Variants in STAU1 observed in about 807,000 individuals in gnomAD.
The protein encoded by STAU1 is staufen double-stranded RNA binding protein 1.
STAU1 carries 13 observed loss-of-function variants against 62.9 expected under a neutral mutation model. That is an observed-to-expected ratio of 0.21 (90% CI 0.13 to 0.33). The LOEUF is 0.33. Among genes scored for constraint, STAU1 ranks in the 10% least tolerant of loss-of-function variants. The pLI is 1.00. For missense variants in STAU1, 571 were observed against 712.1 expected (o/e 0.80, Z 2.25); for synonymous variants, 269 against 265.1 (o/e 1.01, Z -0.14).
intron 5 of STAU1, among the ~76,000 whole-genome samples, chr20:49,136,371 A>ATGAATTTAACCACACACATACC (rs1158787796): frequency 1.3e-5 from 2 of 152,246 alleles, no homozygotes; most frequent in Non-Finnish European, 2.9e-5. Context: ...CTTTGGCTTT[A>ATGAATTTAACCACACACATACC]TGAATTTAAC....
the STAU1 span, among the ~76,000 whole-genome samples, chr20:49,218,324 ACACC>A: frequency 6.8e-6 from 1 of 147,930 alleles, no homozygotes; most frequent in Non-Finnish European, 1.5e-5. Context: ...TCCTGGGTTC[ACACC>A]ATTCTCCTGC....
At chr20:49,218,158 A>G in the STAU1 span, among the ~76,000 whole-genome samples, 1 of 151,266 alleles carries the variant, frequency 6.6e-6, no homozygotes, top group African/African-American at 2.4e-5. Context: ...TACAGGCGCG[A>G]GTCACCGCGC....
At chr20:49,216,890 T>A in the STAU1 span, among the ~76,000 whole-genome samples, 11 of 152,324 alleles carry the variant, frequency 7.2e-5, no homozygotes, top group African/African-American at 2.4e-4. Context: ...CATATCTGCC[T>A]ACATCTTATC....
chr20:49,168,899 G>C (rs1399414993), intron 2 of STAU1, among the ~76,000 whole-genome samples: 1 of 151,078 alleles, frequency 6.6e-6, no homozygotes, highest in Non-Finnish European at 1.5e-5. Context: ...TATATTCTTA[G>C]ACAGGAAAAG....
At chr20:49,195,211 AG>A in the STAU1 span, among the ~76,000 whole-genome samples, 1 of 152,178 alleles carries the variant, frequency 6.6e-6, no homozygotes, top group Non-Finnish European at 1.5e-5. Flanking sequence ...TTTGAATAGC[AG>A]AATGATTAAC....
At chr20:49,174,806 G>A (rs914746694) in intron 1 of STAU1, among the ~76,000 whole-genome samples, 4 of 152,010 alleles carry the variant, frequency 2.6e-5, no homozygotes, top group East Asian at 3.9e-4. Flanking sequence ...GCGTGATGGC[G>A]GGGGCCTGTA....
the STAU1 span, among the ~76,000 whole-genome samples, chr20:49,211,264 T>C: frequency 6.6e-6 from 1 of 152,316 alleles, no homozygotes; most frequent in Non-Finnish European, 1.5e-5. Flanking sequence ...CTACTGTGAA[T>C]AGTGCTGCTG....
chr20:49,114,948 G>C (rs1292941994), intron 13 of STAU1, 55 bp from the exon 14 acceptor site: 1 of 1,563,848 alleles, frequency 6.4e-7, no homozygotes, highest in African/African-American at 1.4e-5. Context: ...GAGAATTAAA[G>C]TACTGTTAAA....
At chr20:49,214,581 G>T in the STAU1 span, among the ~76,000 whole-genome samples, 2 of 151,186 alleles carry the variant, frequency 1.3e-5, no homozygotes, top group Non-Finnish European at 2.9e-5. Context: ...ATAATGTCTA[G>T]ATCTCAAACA....
chr20:49,155,727 A>T (rs17450430), intron 3 of STAU1, among the ~76,000 whole-genome samples: 30,943 of 152,176 alleles, frequency 0.2, 3,254 homozygotes, highest in Non-Finnish European at 0.23. Context: ...TTAGAATTAT[A>T]TTTTTTACAA....
At chr20:49,208,731 T>C in the STAU1 span, among the ~76,000 whole-genome samples, 1 of 151,572 alleles carries the variant, frequency 6.6e-6, no homozygotes, top group Non-Finnish European at 1.5e-5. Context: ...GCCATTCTCC[T>C]GTCTCAGCCT....
chr20:49,209,474 G>A, the STAU1 span, among the ~76,000 whole-genome samples: 1 of 150,820 alleles, frequency 6.6e-6, no homozygotes, highest in Non-Finnish European at 1.5e-5. Context: ...GCCAGACATG[G>A]TGCCTCCCAC....
chr20:49,192,882 T>C (rs766253591), upstream of STAU1, among the ~76,000 whole-genome samples: 23 of 152,194 alleles, frequency 1.5e-4, no homozygotes, highest in Admixed American at 2.6e-4. Flanking sequence ...CTATGAGCCA[T>C]GTCTAAAGTC....
At chr20:49,133,479 T>G (rs1385357666) in intron 6 of STAU1, among the ~76,000 whole-genome samples, 1 of 152,126 alleles carries the variant, frequency 6.6e-6, no homozygotes, top group Non-Finnish European at 1.5e-5. Flanking sequence ...AAAGCAACAC[T>G]TCTCCCCTTT....
intron 6 of STAU1, among the ~76,000 whole-genome samples, chr20:49,125,291 G>A (rs961573242): frequency 1.4e-5 from 2 of 145,034 alleles, no homozygotes; most frequent in Non-Finnish European, 1.5e-5. Flanking sequence ...CAATTTGGGA[G>A]ACCAAAGCGG....
intron 6 of STAU1, among the ~76,000 whole-genome samples, chr20:49,126,386 A>G (rs1010212563): frequency 6.6e-6 from 1 of 151,458 alleles, no homozygotes; most frequent in Non-Finnish European, 1.5e-5. Context: ...ATACAGCAAG[A>G]CCTTGACTCT....
intron 6 of STAU1, among the ~76,000 whole-genome samples, chr20:49,129,279 AATTTTTTTTTT>A (rs2092700296): frequency 2.0e-5 from 2 of 101,978 alleles, no homozygotes; most frequent in Non-Finnish European, 3.6e-5. Flanking sequence ...TTTAAAAAAA[AATTTTTTTTTT>A]TTTTTTTTTT....
Position 49,115,879 on chromosome 20 carries a change from G to T in STAU1, c.1633-12C>A. 6.2e-7 allele frequency: 1 copy of T among 1,613,226 alleles called. No homozygotes were observed. Among genetic ancestry groups the T allele is most frequent in the Non-Finnish European group, 8.5e-7 (1 of 1,179,294 alleles). On this transcript the variant is annotated splice_polypyrimidine_tract_variant and intron_variant, in intron 12 of 13. Transcript: ENST00000371856. ...ATGTTCAGCGCAGCCTAGTGGGGAT[G>T]GAAAGAAGGGTAAAGCCACAGCCAC...
intron 1 of STAU1, among the ~76,000 whole-genome samples, chr20:49,181,124 T>G (rs928645786): frequency 1.6e-4 from 25 of 152,344 alleles, no homozygotes; most frequent in African/African-American, 6.0e-4. Flanking sequence ...AAGATGTTTA[T>G]GAGTATTAGA....
Sources: allele counts gnomAD v4.1 joint callset (sites outside exome capture counted in the v4.1 genomes callset), GRCh38; gene constraint gnomAD v4.1.1; transcripts MANE v1.5; gene names NCBI Gene and HGNC (gene_info 2026-07-23, HGNC 2026-07-21).